The following POU3F3 variants were observed in gnomAD, a reference collection of about 807,000 sequenced individuals.
The protein encoded by POU3F3 is POU class 3 homeobox 3.
Under a neutral mutation model 8.6 loss-of-function variants are expected in POU3F3, and 1 was observed. That is an observed-to-expected ratio of 0.12 (90% confidence interval 0.04 to 0.55). The LOEUF is 0.55. Among genes scored for constraint, POU3F3 ranks in the 20% least tolerant of loss-of-function variants. The pLI, the probability that POU3F3 is intolerant of heterozygous loss-of-function variation, is 0.91. For missense variants in POU3F3, 577 were observed against 690.7 expected (o/e 0.84, Z 1.84); for synonymous variants, 418 against 327.4 (o/e 1.28, Z -2.99).
chr2:104,919,271 G>A, the POU3F3 span, among the ~76,000 whole-genome samples: 47 of 152,300 alleles, frequency 3.1e-4, 1 homozygote, highest in Admixed American at 4.6e-4. Flanking sequence ...TTGCTCTCTG[G>A]GAGGAACTTC....
the POU3F3 span, chr2:104,867,706 G>T: frequency 1.9e-5 from 3 of 156,206 alleles, no homozygotes; most frequent in Admixed American, 1.2e-4. The surrounding 1 kb of genome is among the most constrained non-coding windows in gnomAD (Gnocchi z 5.0). Flanking sequence ...CGGGAAGGTC[G>T]CGGGCTGCAA....
At chr2:104,873,502 G>A in the POU3F3 span, among the ~76,000 whole-genome samples, 4 of 152,160 alleles carry the variant, frequency 2.6e-5, no homozygotes, top group South Asian at 2.1e-4. Flanking sequence ...GGCAACTCCT[G>A]TGCCCTGTGG....
chr2:104,897,266 C>G, the POU3F3 span, among the ~76,000 whole-genome samples: 7 of 152,142 alleles, frequency 4.6e-5, no homozygotes, highest in Non-Finnish European at 7.4e-5. Flanking sequence ...GAATGAAGAA[C>G]CAGACCCTCA....
chr2:104,866,071 T>G, the POU3F3 span: 1 of 152,256 alleles, frequency 6.6e-6, no homozygotes, highest in Non-Finnish European at 1.5e-5. Context: ...TTGTACGCCT[T>G]AAAGACTTAT....
At chr2:104,927,653 C>CA in the POU3F3 span, among the ~76,000 whole-genome samples, 104,372 of 148,880 alleles carry the variant, frequency 0.7, 36,649 homozygotes, top group East Asian at 0.82. Flanking sequence ...AAAGCTGGGG[C>CA]GGGGGATTGT....
chr2:104,855,577 C>T lies in POU3F3; in HGVS notation c.67C>T (p.His23Tyr). 1 of 994,128 alleles carries T rather than the reference C, an allele frequency of 1.0e-6. No homozygotes were observed. The highest frequency in any genetic ancestry group is 1.2e-6 in the Non-Finnish European group (1 of 842,080). 61.6% of individuals were successfully genotyped at this position (994,128 alleles called of 1,614,324 possible). ...NSLLAAGSIV[H>Y]SDAAGAGGGG... The stretch of plus-strand genomic sequence containing the variant: ...CCTGCTCGCGGCCGGCTCTATTGTG[C>T]ACTCGGACGCGGCAGGGGCTGGCGG... Residue 23 changes from histidine to tyrosine, a missense_variant, in exon 1 of 1, where the codon CAC (histidine) becomes TAC (tyrosine). Physicochemically the swap from His to Tyr is moderately conservative, Grantham distance 83 (BLOSUM62 2). Coordinates refer to ENST00000361360, the MANE Select transcript of POU3F3 (RefSeq NM_006236.3).
At chr2:104,919,740 T>G in the POU3F3 span, among the ~76,000 whole-genome samples, 1 of 152,096 alleles carries the variant, frequency 6.6e-6, no homozygotes, top group African/African-American at 2.4e-5. Context: ...TACCCTCTCC[T>G]CTTCTTCCCT....
chr2:104,862,639 T>C (rs561519175), downstream of POU3F3, among the ~76,000 whole-genome samples: 187 of 152,288 alleles, frequency 1.2e-3, no homozygotes, highest in African/African-American at 4.3e-3. Flanking sequence ...GCGGCCAGAC[T>C]GTGGCAGCTG....
the POU3F3 span, among the ~76,000 whole-genome samples, chr2:104,921,335 A>G: frequency 6.6e-6 from 1 of 152,188 alleles, no homozygotes; most frequent in Non-Finnish European, 1.5e-5. Flanking sequence ...AAGCCCCAGG[A>G]ATCTGTCTCC....
chr2:104,897,340 T>C, the POU3F3 span, among the ~76,000 whole-genome samples: 2 of 152,192 alleles, frequency 1.3e-5, no homozygotes, highest in Non-Finnish European at 2.9e-5. Context: ...ACTGGGGACC[T>C]GGGTCTCTGC....
the POU3F3 span, among the ~76,000 whole-genome samples, chr2:104,877,752 G>A: frequency 2.0e-5 from 3 of 148,510 alleles, no homozygotes; most frequent in South Asian, 2.1e-4. Flanking sequence ...TCCGACTCCC[G>A]ATTCCAGGGA....
chr2:104,899,663 GGCAGAT>G, the POU3F3 span, among the ~76,000 whole-genome samples: 3 of 152,176 alleles, frequency 2.0e-5, no homozygotes, highest in South Asian at 6.2e-4. Context: ...TCAAAGGAAG[GGCAGAT>G]GTTTAAAATG....
chr2:104,895,062 AGTGTGTGTGTGT>A, the POU3F3 span, among the ~76,000 whole-genome samples: 190 of 149,362 alleles, frequency 1.3e-3, no homozygotes, highest in Non-Finnish European at 1.7e-3. Flanking sequence ...TGCACAGGTG[AGTGTGTGTGTGT>A]GTGTGTGTGT....
chr2:104,927,746 CAAAAAAAAA>C, the POU3F3 span, among the ~76,000 whole-genome samples: 1,647 of 79,520 alleles, frequency 0.021, 39 homozygotes, highest in African/African-American at 0.074. Flanking sequence ...GACCTTGTCT[CAAAAAAAAA>C]AAAAAAAAAA....
chr2:104,903,253 C>T, the POU3F3 span, among the ~76,000 whole-genome samples: 1 of 152,128 alleles, frequency 6.6e-6, no homozygotes, highest in Non-Finnish European at 1.5e-5. Context: ...AGAAATATTG[C>T]TAATTCCTAC....
the POU3F3 span, among the ~76,000 whole-genome samples, chr2:104,888,639 T>A: frequency 6.6e-6 from 1 of 151,938 alleles, no homozygotes; most frequent in Admixed American, 6.6e-5. Context: ...ATTGAGGGAG[T>A]ATCTGTTAAG....
At chr2:104,875,656 A>G in the POU3F3 span, among the ~76,000 whole-genome samples, 4 of 152,244 alleles carry the variant, frequency 2.6e-5, no homozygotes, top group Non-Finnish European at 5.9e-5. Context: ...CAGAATGGAA[A>G]TATCCCAATA....
the POU3F3 span, among the ~76,000 whole-genome samples, chr2:104,884,143 A>T: frequency 6.6e-6 from 1 of 152,154 alleles, no homozygotes; most frequent in African/African-American, 2.4e-5. Flanking sequence ...AAGGGGTGAC[A>T]CGGAAGAGTG....
At chr2:104,918,416 G>A in the POU3F3 span, among the ~76,000 whole-genome samples, 1 of 152,154 alleles carries the variant, frequency 6.6e-6, no homozygotes, top group Admixed American at 6.5e-5. Context: ...CACTCAGAAC[G>A]TGACCTTATT....
Sources: allele counts gnomAD v4.1 joint callset (sites outside exome capture counted in the v4.1 genomes callset), GRCh38; gene constraint gnomAD v4.1.1; non-coding constraint Gnocchi (gnomAD v3.1); transcripts MANE v1.5; gene names NCBI Gene and HGNC (gene_info 2026-07-23, HGNC 2026-07-21).